Variants in PDK1 observed in about 807,000 individuals in gnomAD.
The protein encoded by PDK1 is [Pyruvate dehydrogenase (acetyl-transferring)] kinase isozyme 1, mitochondrial.
A neutral mutation model predicts 54.2 loss-of-function variants in PDK1; 39 were observed. The observed-to-expected ratio is 0.72, with a 90% CI of 0.56 to 0.94. PDK1 has a LOEUF of 0.94. PDK1 is among the 40% of genes least tolerant of loss of function. The pLI is 0.00. For synonymous variants in PDK1, 221 were observed against 207.1 expected, an observed-to-expected ratio of 1.07 and a Z score of -0.58; for missense variants, 552 against 566.0, an observed-to-expected ratio of 0.98 and a Z score of 0.25.
the PDK1 span, among the ~76,000 whole-genome samples, chr2:172,700,429 C>CCA: frequency 6.1e-5 from 9 of 148,348 alleles, no homozygotes; most frequent in Admixed American, 6.0e-4. Flanking sequence ...GAGGCGCTCC[C>CCA]CACATCCCAG....
At chr2:172,617,897 A>T in the PDK1 span, among the ~76,000 whole-genome samples, 16 of 152,198 alleles carry the variant, frequency 1.1e-4, no homozygotes, top group Middle Eastern at 3.4e-3. Context: ...AACTTTATTT[A>T]AAAAAAACCT....
At position 172,599,910 on chromosome 2, in the gene PDK1, A is replaced by G. The variant is rs1175010826; in HGVS notation, c.*3941A>G. On this transcript the variant is annotated 3_prime_UTR_variant, in exon 11 of 11. Coordinates refer to ENST00000282077, the MANE Select transcript of PDK1 (RefSeq NM_002610.5). ...TGACAGCTGTCTTTTACTTTGTTAA[A>G]TTAGCAATTATTTAGCAAAAATACA... 1.3e-5 allele frequency: 2 copies of G among 152,208 alleles called. No individual in the cohort carries two copies. Among genetic ancestry groups the G allele is most frequent in the African/African-American group, 4.8e-5 (2 of 41,456 alleles). 9.4% of individuals were successfully genotyped at this position (152,208 alleles called of 1,614,324 possible).
chr2:172,696,916 A>G, the PDK1 span, among the ~76,000 whole-genome samples: 1 of 152,154 alleles, frequency 6.6e-6, no homozygotes, highest in African/African-American at 2.4e-5. Flanking sequence ...AAGTGGTAAT[A>G]TTTGTGCCAA....
the PDK1 span, among the ~76,000 whole-genome samples, chr2:172,659,973 C>G: frequency 2.6e-5 from 4 of 152,132 alleles, no homozygotes; most frequent in East Asian, 7.7e-4. Flanking sequence ...AAGTTGCCAT[C>G]TAGCAGGAAT....
At chr2:172,712,333 G>A in the PDK1 span, among the ~76,000 whole-genome samples, 2 of 152,210 alleles carry the variant, frequency 1.3e-5, no homozygotes, top group East Asian at 3.9e-4. Flanking sequence ...GAACCTCTGT[G>A]GCTGTCGGCA....
downstream of PDK1, among the ~76,000 whole-genome samples, chr2:172,613,194 C>G (rs931803888): frequency 6.6e-6 from 1 of 152,220 alleles, no homozygotes; most frequent in African/African-American, 2.4e-5. Flanking sequence ...AGGACACCCA[C>G]TCAGGGCAGA....
chr2:172,560,719 T>A (rs1688612060), intron 2 of PDK1, among the ~76,000 whole-genome samples: 1 of 152,202 alleles, frequency 6.6e-6, no homozygotes, highest in South Asian at 2.1e-4. Flanking sequence ...CAATTAGAAG[T>A]TTTTGGAATT....
rs1691171628 is a variant in PDK1, at chr2:172,603,164, A to T, written c.*7195A>T. The T allele has an allele frequency of 6.6e-6, 1 of 152,224 alleles. No individual in the cohort carries two copies. The highest frequency in any genetic ancestry group is 1.5e-5 in the Non-Finnish European group (1 of 68,044). The allele number at this position is 152,224 out of a possible 1,614,324, so 9.4% of individuals were successfully genotyped here. ...TGAGCCATACTTTGAGTAGCAAAGG[A>T]CTAAAGGTTGTGAGATAAACTGCTT... On this transcript the variant is annotated 3_prime_UTR_variant, in exon 11 of 11. Transcript: ENST00000282077.
At chr2:172,691,730 G>T in the PDK1 span, among the ~76,000 whole-genome samples, 1 of 152,122 alleles carries the variant, frequency 6.6e-6, no homozygotes, top group Non-Finnish European at 1.5e-5. Flanking sequence ...CTCCATGTCC[G>T]CTCATGGCTT....
the PDK1 span, among the ~76,000 whole-genome samples, chr2:172,640,770 T>C: frequency 6.6e-6 from 1 of 152,160 alleles, no homozygotes; most frequent in Non-Finnish European, 1.5e-5. Context: ...AAGGGCCCTC[T>C]AAAGGTTTGC....
At chr2:172,638,966 G>A in the PDK1 span, among the ~76,000 whole-genome samples, 6 of 152,132 alleles carry the variant, frequency 3.9e-5, no homozygotes, top group African/African-American at 7.2e-5. Flanking sequence ...ATGTAAAAAC[G>A]TCACGACAAG....
At chr2:172,648,546 T>C in the PDK1 span, among the ~76,000 whole-genome samples, 4 of 152,114 alleles carry the variant, frequency 2.6e-5, no homozygotes, top group South Asian at 4.1e-4. Flanking sequence ...TCGCCTCACC[T>C]GGGAAGCACA....
intron 10 of PDK1, among the ~76,000 whole-genome samples, chr2:172,594,838 T>C (rs888490424): frequency 2.6e-5 from 4 of 152,176 alleles, no homozygotes; most frequent in Non-Finnish European, 5.9e-5. Context: ...AGAAATGTAG[T>C]TTATCTCAGG....
chr2:172,593,453 G>A (rs966922714), intron 10 of PDK1, among the ~76,000 whole-genome samples: 1 of 152,018 alleles, frequency 6.6e-6, no homozygotes, highest in African/African-American at 2.4e-5. Flanking sequence ...TACTGACAGT[G>A]CATCATTTTA....
the PDK1 span, among the ~76,000 whole-genome samples, chr2:172,661,218 G>A: frequency 1.3e-5 from 2 of 152,170 alleles, no homozygotes; most frequent in African/African-American, 4.8e-5. Flanking sequence ...CAGGCAGAGG[G>A]GTGCAGGAGT....
intron 2 of PDK1, among the ~76,000 whole-genome samples, chr2:172,559,984 C>T (rs1403325346): frequency 1.3e-5 from 2 of 152,262 alleles, no homozygotes; most frequent in East Asian, 3.9e-4. Flanking sequence ...GTAGCTGGGA[C>T]CACAAGTGCA....
At chr2:172,556,711 T>G in intron 1 of PDK1, 1 of 198,402 alleles carries the variant, frequency 5.0e-6, no homozygotes, top group Non-Finnish European at 1.0e-5. Flanking sequence ...CGCGTTTGGA[T>G]TCCGTGCAGT....
the PDK1 span, among the ~76,000 whole-genome samples, chr2:172,621,602 T>C: frequency 6.8e-6 from 1 of 147,854 alleles, no homozygotes; most frequent in East Asian, 2.0e-4. Context: ...ATATGATATA[T>C]GTTTATATAT....
intron 2 of PDK1, among the ~76,000 whole-genome samples, chr2:172,559,361 A>G (rs1039454571): frequency 2.6e-5 from 4 of 152,234 alleles, no homozygotes; most frequent in Non-Finnish European, 5.9e-5. Flanking sequence ...TGAGAAAGCC[A>G]GTCAAAACTG....
Sources: allele counts gnomAD v4.1 joint callset (sites outside exome capture counted in the v4.1 genomes callset), GRCh38; gene constraint gnomAD v4.1.1; transcripts MANE v1.5; gene names NCBI Gene and HGNC (gene_info 2026-07-23, HGNC 2026-07-21).